The following RALGPS2 variants were observed in gnomAD, a reference collection of about 807,000 sequenced individuals.
RALGPS2 encodes ras-specific guanine nucleotide-releasing factor RalGPS2.
In RALGPS2, 43 loss-of-function variants were observed where a neutral mutation model predicts 86.8. The observed-to-expected ratio is 0.50, with a 90% CI of 0.39 to 0.64. The LOEUF is 0.64. Ranked by LOEUF, RALGPS2 falls within the 30% of genes least tolerant of loss-of-function variation. The pLI is 0.00. For synonymous variants in RALGPS2, 243 were observed against 231.3 expected (o/e 1.05, Z -0.46); for missense variants, 536 against 694.6 (o/e 0.77, Z 2.57).
chr1:178,793,398 G>A (rs1440550412), intron 4 of RALGPS2, among the ~76,000 whole-genome samples: 4 of 149,740 alleles, frequency 2.7e-5, no homozygotes, highest in Non-Finnish European at 4.4e-5. Flanking sequence ...AAACCACAGG[G>A]GTCTTTTTTT....
intron 8 of RALGPS2, chr1:178,865,829 G>A: frequency 8.0e-6 from 11 of 1,372,978 alleles, no homozygotes; most frequent in Admixed American, 6.8e-5. Context: ...CAGTGAAGGA[G>A]AAAAAGCAAA....
intron 10 of RALGPS2, among the ~76,000 whole-genome samples, chr1:178,881,903 G>A (rs567060265): frequency 3.3e-4 from 50 of 152,246 alleles, no homozygotes; most frequent in African/African-American, 1.1e-3. Context: ...TGAAAAATTT[G>A]TAAATAGAAA....
At chr1:178,803,409 G>T (rs542207794) in intron 4 of RALGPS2, among the ~76,000 whole-genome samples, 1 of 150,288 alleles carries the variant, frequency 6.7e-6, no homozygotes, top group Admixed American at 6.7e-5. Context: ...TATAGTAATT[G>T]GCTAAAAACG....
At chr1:178,807,952 G>T in intron 4 of RALGPS2, 93 bp from the exon 5 acceptor site, 3 of 802,672 alleles carry the variant, frequency 3.7e-6, no homozygotes, top group Non-Finnish European at 6.4e-6. Flanking sequence ...TTCTAGAAAA[G>T]AACACAAACT....
intron 19 of RALGPS2, among the ~76,000 whole-genome samples, chr1:178,909,302 A>G (rs919640949): frequency 2.6e-5 from 4 of 151,898 alleles, no homozygotes; most frequent in Non-Finnish European, 5.9e-5. Context: ...GTACCATGCT[A>G]TTTTTTGGTT....
At chr1:178,747,274 T>G in intron 1 of RALGPS2, 1 of 1,514,366 alleles carries the variant, frequency 6.6e-7, no homozygotes. Flanking sequence ...AATTGAGAAA[T>G]GAAGCTGGTG....
intron 1 of RALGPS2, among the ~76,000 whole-genome samples, chr1:178,731,272 G>GTTTTTTTTTTTTTTTTTTTT (rs57628726): frequency 1.7e-5 from 1 of 57,946 alleles, no homozygotes; most frequent in African/African-American, 6.7e-5. Flanking sequence ...AGTTGTTTTG[G>GTTTTTTTTTTTTTTTTTTTT]TTTTTTTTTT....
At chr1:178,814,770 TATAG>T (rs1456125211) in intron 6 of RALGPS2, among the ~76,000 whole-genome samples, 1 of 152,138 alleles carries the variant, frequency 6.6e-6, no homozygotes, top group Admixed American at 6.5e-5. Context: ...TTAGCTTTGT[TATAG>T]ATAACCTCCA....
intron 4 of RALGPS2, among the ~76,000 whole-genome samples, chr1:178,786,158 G>A (rs1367727542): frequency 6.6e-6 from 1 of 152,052 alleles, no homozygotes; most frequent in Non-Finnish European, 1.5e-5. Flanking sequence ...TATCTCAAGG[G>A]TGGTAGAGGT....
At chr1:178,801,290 A>G (rs1440009671) in intron 4 of RALGPS2, among the ~76,000 whole-genome samples, 2 of 152,076 alleles carry the variant, frequency 1.3e-5, no homozygotes, top group African/African-American at 2.4e-5. Context: ...GGTAGCCAAT[A>G]GCTATACTTT....
At chr1:178,725,935 G>A (rs10798631) in intron 1 of RALGPS2, 78,679 of 151,984 alleles carry the variant, frequency 0.52, 21,590 homozygotes, top group East Asian at 0.71. Context: ...AACCCGCGGA[G>A]TCGCGGTCAG....
chr1:178,740,171 G>A (rs944132236), intron 1 of RALGPS2, among the ~76,000 whole-genome samples: 6 of 152,086 alleles, frequency 3.9e-5, no homozygotes, highest in African/African-American at 1.4e-4. Flanking sequence ...CTATAACTAA[G>A]TAGATTAGAA....
chr1:178,904,805 A>T (rs1404121516), intron 18 of RALGPS2, among the ~76,000 whole-genome samples: 2 of 151,876 alleles, frequency 1.3e-5, no homozygotes, highest in African/African-American at 4.8e-5. Context: ...TGTTCTTTTC[A>T]CTTAGTCTTG....
intron 19 of RALGPS2, among the ~76,000 whole-genome samples, chr1:178,909,643 A>ATTTTTTTTTTTTTTTTT (rs57890269): frequency 1.4e-5 from 1 of 72,386 alleles, no homozygotes; most frequent in Non-Finnish European, 2.5e-5. Context: ...TTCTTTTTTA[A>ATTTTTTTTTTTTTTTTT]TTTTTTTTTT....
intron 5 of RALGPS2, among the ~76,000 whole-genome samples, chr1:178,810,249 TG>T (rs1217020015): frequency 2.6e-5 from 4 of 151,980 alleles, no homozygotes; most frequent in African/African-American, 9.7e-5. Flanking sequence ...TAGCTGGGCA[TG>T]GCAGCTTACA....
intron 7 of RALGPS2, among the ~76,000 whole-genome samples, chr1:178,831,687 T>C (rs546944981): frequency 6.6e-4 from 93 of 141,862 alleles, no homozygotes; most frequent in African/African-American, 2.5e-3. Context: ...TTTTTAAATA[T>C]AACATTATAA....
chr1:178,916,457 GC>G lies in RALGPS2; in HGVS notation c.*101del. 1 of 1,162,688 alleles carries G rather than the reference GC, an allele frequency of 8.6e-7. No individual in the cohort carries two copies. The highest frequency in any genetic ancestry group is 1.2e-6 in the Non-Finnish European group (1 of 816,258). The allele number at this position is 1,162,688 out of a possible 1,614,324, so 72.0% of individuals were successfully genotyped here. The stretch of plus-strand genomic sequence containing the variant: ...TATAAACCATCCTGTGCCAGGAAGA[GC>G]CCAGAGGCTCTGTCTCAGTCGTTGG... On this transcript the variant is annotated 3_prime_UTR_variant, in exon 20 of 20. Coordinates refer to ENST00000367635, the MANE Select transcript of RALGPS2 (RefSeq NM_152663.5).
intron 2 of RALGPS2, among the ~76,000 whole-genome samples, chr1:178,780,839 T>C (rs532193582): frequency 6.6e-6 from 1 of 152,270 alleles, no homozygotes; most frequent in South Asian, 2.1e-4. Context: ...CTTAAACAGA[T>C]GGGAGCTTTC....
chr1:178,838,343 A>G (rs1656392030), intron 8 of RALGPS2, among the ~76,000 whole-genome samples: 1 of 152,216 alleles, frequency 6.6e-6, no homozygotes, highest in Admixed American at 6.5e-5. Context: ...AGGAACAATC[A>G]GGCAGCAACA....
Sources: allele counts gnomAD v4.1 joint callset (sites outside exome capture counted in the v4.1 genomes callset), GRCh38; gene constraint gnomAD v4.1.1; transcripts MANE v1.5; gene names NCBI Gene and HGNC (gene_info 2026-07-23, HGNC 2026-07-21).